Variants in AOPEP observed in about 807,000 individuals in gnomAD.
The protein encoded by AOPEP is aminopeptidase O.
In AOPEP, 77 loss-of-function variants were observed where a neutral mutation model predicts 98.1. The observed-to-expected ratio is 0.78, with a 90% CI of 0.65 to 0.95. AOPEP has a LOEUF of 0.95. AOPEP is among the 40% of genes least tolerant of loss of function. The pLI, the probability that AOPEP is intolerant of heterozygous loss-of-function variation, is 0.00. For synonymous variants in AOPEP, 346 were observed against 365.3 expected (o/e 0.95, Z 0.60); for missense variants, 1,024 against 1,024.7 (o/e 1.00, Z 0.01).
rs1414689040 is a variant in AOPEP, at chr9:94,972,604, T to C, written c.1916+4803T>C. Among the ~76,000 whole-genome samples the C allele has an allele frequency of 6.6e-6, 1 of 152,216 alleles. No homozygotes were observed. The highest frequency in any genetic ancestry group is 1.5e-5 in the Non-Finnish European group (1 of 68,036). Reference sequence around the variant, plus strand: ...TGTTTTATAAGTGTGACCTCAGCAATCTTTATTATCTACCCAAGCACAAAT... The same window carrying C: ...TGTTTTATAAGTGTGACCTCAGCAACCTTTATTATCTACCCAAGCACAAAT... On this transcript the variant is annotated intron_variant, in intron 10 of 16. Coordinates refer to ENST00000375315, the MANE Select transcript of AOPEP (RefSeq NM_001193329.3). The surrounding 1 kb of genome is among the most constrained non-coding windows in gnomAD (Gnocchi z 4.2).
intron 14 of AOPEP, among the ~76,000 whole-genome samples, chr9:95,064,525 A>G (rs1030248895): frequency 6.6e-6 from 1 of 152,164 alleles, no homozygotes; most frequent in African/African-American, 2.4e-5. Context: ...TCCTGACCTC[A>G]TGATCCACCT....
intron 14 of AOPEP, among the ~76,000 whole-genome samples, chr9:95,067,567 G>A (rs571829760): frequency 5.5e-4 from 83 of 152,290 alleles, no homozygotes; most frequent in Non-Finnish European, 1.0e-3. Context: ...TCATGGCCTC[G>A]GCTCTCAGGG....
At chr9:94,914,882 C>A (rs957191302) in intron 5 of AOPEP, among the ~76,000 whole-genome samples, 3 of 152,172 alleles carry the variant, frequency 2.0e-5, no homozygotes, top group Non-Finnish European at 4.4e-5. Flanking sequence ...TTTTAACAAG[C>A]CTTTCAGGTA....
At chr9:94,867,931 A>C (rs2045890155) in intron 5 of AOPEP, among the ~76,000 whole-genome samples, 1 of 152,198 alleles carries the variant, frequency 6.6e-6, no homozygotes, top group South Asian at 2.1e-4. Flanking sequence ...CAGCCAGGAA[A>C]ATGAGAGGCC....
At chr9:95,115,736 CCCT>C in the AOPEP span, among the ~76,000 whole-genome samples, 1 of 152,188 alleles carries the variant, frequency 6.6e-6, no homozygotes, top group African/African-American at 2.4e-5. Flanking sequence ...GCCAGCGCCT[CCCT>C]CCTCTGAACT....
chr9:94,735,551 C>T (rs983324446), intron 1 of AOPEP, among the ~76,000 whole-genome samples: 6 of 152,186 alleles, frequency 3.9e-5, no homozygotes, highest in African/African-American at 1.4e-4. Context: ...GCACCACTCA[C>T]ACCAGCCCAC....
intron 1 of AOPEP, among the ~76,000 whole-genome samples, chr9:94,757,094 G>C (rs79339555): frequency 0.011 from 1,694 of 152,276 alleles, 32 homozygotes; most frequent in African/African-American, 0.038. Context: ...CCAGAAGTTG[G>C]GATTCAGTGG....
intron 1 of AOPEP, among the ~76,000 whole-genome samples, chr9:94,747,825 G>A (rs1417100465): frequency 1.3e-5 from 2 of 152,176 alleles, no homozygotes; most frequent in African/African-American, 4.8e-5. Context: ...GAAAAAACTG[G>A]TTCCATGCTA....
chr9:95,094,026 CTTTT>C, the AOPEP span, among the ~76,000 whole-genome samples: 2 of 152,186 alleles, frequency 1.3e-5, no homozygotes, highest in Admixed American at 6.5e-5. Context: ...CAGGCTTTTC[CTTTT>C]TTTCTCTCGT....
chr9:94,971,638 A>C (rs1337967036), intron 10 of AOPEP, among the ~76,000 whole-genome samples: 1 of 152,182 alleles, frequency 6.6e-6, no homozygotes, highest in Non-Finnish European at 1.5e-5. Context: ...CCAGTCTGTC[A>C]GTGTTCAGGG....
intron 3 of AOPEP, among the ~76,000 whole-genome samples, chr9:94,779,295 G>A (rs356148): frequency 0.052 from 7,984 of 152,224 alleles, 233 homozygotes; most frequent in Admixed American, 0.077. Context: ...TCACATTTCT[G>A]CCTATAGCAG....
intron 14 of AOPEP, among the ~76,000 whole-genome samples, chr9:95,065,188 G>A (rs774072265): frequency 6.6e-6 from 1 of 152,230 alleles, no homozygotes; most frequent in Non-Finnish European, 1.5e-5. Context: ...CAGGATGCTC[G>A]ATGCTTTAGA....
At chr9:94,844,752 C>T (rs2042651670) in intron 5 of AOPEP, among the ~76,000 whole-genome samples, 1 of 152,126 alleles carries the variant, frequency 6.6e-6, no homozygotes, top group African/African-American at 2.4e-5. Context: ...AATCTGTGCC[C>T]TGGAAGAACT....
In AOPEP at chr9:94,828,009, G is replaced by T. The variant is rs965398066; in HGVS notation, c.1364+27007G>T. ...AACCAGATGAGAACAGAGAAAAAAA[G>T]AAGAGGAGAAGTAATGGCAAAGAAA... On this transcript the variant is annotated intron_variant, in intron 5 of 16. Coordinates refer to ENST00000375315, the MANE Select transcript of AOPEP (RefSeq NM_001193329.3). Among the ~76,000 whole-genome samples the T allele has an allele frequency of 8.5e-5, 13 of 152,210 alleles. 1 individual carries two copies. Among genetic ancestry groups the T allele is most frequent in the African/African-American group, 3.1e-4 (13 of 41,456 alleles).
chr9:94,946,936 T>TTCACTCAGATATATATATA (rs2057698456), intron 7 of AOPEP, among the ~76,000 whole-genome samples: 2 of 151,998 alleles, frequency 1.3e-5, no homozygotes. Flanking sequence ...TCCAGTGGGA[T>TTCACTCAGATATATATATA]TCACTCAGAT....
chr9:95,131,535 CCT>C, the AOPEP span, among the ~76,000 whole-genome samples: 8 of 152,196 alleles, frequency 5.3e-5, no homozygotes, highest in African/African-American at 1.4e-4. Flanking sequence ...CTGGTGCCCC[CCT>C]GAGGCTAATT....
intron 5 of AOPEP, among the ~76,000 whole-genome samples, chr9:94,829,406 A>G (rs894921853): frequency 6.6e-6 from 1 of 152,274 alleles, no homozygotes; most frequent in African/African-American, 2.4e-5. Flanking sequence ...CACATACCCA[A>G]CTGCAGTTGT....
At chr9:94,946,923 T>C (rs1196196103) in intron 7 of AOPEP, among the ~76,000 whole-genome samples, 1 of 152,068 alleles carries the variant, frequency 6.6e-6, no homozygotes, top group Non-Finnish European at 1.5e-5. Context: ...GGACAAGTGT[T>C]CATCCAGTGG....
chr9:95,102,262 T>C, the AOPEP span, among the ~76,000 whole-genome samples: 3 of 152,322 alleles, frequency 2.0e-5, no homozygotes, highest in South Asian at 4.1e-4. Flanking sequence ...AACATGAGAA[T>C]TGGAAAATAC....
Sources: gnomAD v4.1 joint callset for allele counts (sites outside exome capture counted in the v4.1 genomes callset) on GRCh38, gnomAD v4.1.1 for gene constraint, Gnocchi (gnomAD v3.1) non-coding constraint, MANE v1.5 for transcripts, NCBI Gene and HGNC (gene_info 2026-07-23, HGNC 2026-07-21) for gene names.